Variants in RAB6B observed in about 807,000 individuals in gnomAD.
RAB6B encodes ras-related protein Rab-6B.
RAB6B carries 7 observed loss-of-function variants against 31.2 expected under a neutral mutation model. That is an observed-to-expected ratio of 0.22 (90% CI 0.13 to 0.42). The LOEUF (loss-of-function observed/expected upper bound fraction) is 0.42, where lower values mean the gene tolerates loss of function less well. Ranked by LOEUF, RAB6B falls within the 10% of genes least tolerant of loss-of-function variation. The pLI, the probability that RAB6B is intolerant of heterozygous loss-of-function variation, is 1.00. For missense variants in RAB6B, 149 were observed against 280.6 expected (o/e 0.53, Z 3.35); for synonymous variants, 105 against 104.9 (o/e 1.00, Z -0.01).
intron 2 of RAB6B, 105 bp from the exon 3 acceptor site, chr3:133,841,768 A>C: frequency 8.9e-7 from 1 of 1,128,752 alleles, no homozygotes; most frequent in East Asian, 2.4e-5. Flanking sequence ...GGGGACGCTC[A>C]TGTCAGGTCT....
In RAB6B at chr3:133,882,124, T is replaced by G. The variant is rs77474692; in HGVS notation, c.70+13273A>C. ...ATTTGGTTCCTTGTGGTTGTAGGAC[T>G]TCCCCCCACGGGCTGCTCTTATTTC... On this transcript the variant is annotated intron_variant, in intron 1 of 7. Coordinates refer to ENST00000285208, the MANE Select transcript of RAB6B (RefSeq NM_016577.4). 7.3e-3 allele frequency among the ~76,000 whole-genome samples: 1,110 copies of G among 152,244 alleles called. 10 individuals are homozygous for G. The highest frequency in any genetic ancestry group is 0.041 in the Middle Eastern group (12 of 292).
Position 133,888,121 on chromosome 3 carries a change from C to T in RAB6B, c.70+7276G>A, listed in dbSNP as rs531800940. On this transcript the variant is annotated intron_variant, in intron 1 of 7. Transcript: ENST00000285208. ...CAGTGTTCTTCTGTCTCCTCCGCTC[C>T]AGTCCTAGGCCAGAAGCTGCCTTTG... 6.2e-4 allele frequency among the ~76,000 whole-genome samples: 94 copies of T among 152,356 alleles called. 4 individuals carry two copies. The highest frequency in any genetic ancestry group is 2.1e-3 in the African/African-American group (86 of 41,584).
At chr3:133,884,179 A>G (rs1267069786) in intron 1 of RAB6B, among the ~76,000 whole-genome samples, 4 of 152,264 alleles carry the variant, frequency 2.6e-5, no homozygotes, top group African/African-American at 9.6e-5. Context: ...AGGAATACCA[A>G]GGTGGTGCTC....
At chr3:133,873,817 A>G (rs1387428956) in intron 1 of RAB6B, among the ~76,000 whole-genome samples, 3 of 152,200 alleles carry the variant, frequency 2.0e-5, no homozygotes, top group Admixed American at 6.5e-5. Context: ...ATAATAGCCT[A>G]CTGTTGACCA....
intron 2 of RAB6B, 48 bp downstream of exon 2, chr3:133,864,536 G>A (rs1227315727): frequency 1.3e-6 from 2 of 1,577,302 alleles, no homozygotes; most frequent in Non-Finnish European, 1.7e-6. Context: ...TTCAAAGAGA[G>A]GTCAGCCACT....
intron 1 of RAB6B, among the ~76,000 whole-genome samples, chr3:133,879,203 G>A (rs915606696): frequency 1.3e-5 from 2 of 152,222 alleles, no homozygotes; most frequent in Non-Finnish European, 2.9e-5. Context: ...TAAAGTCTTT[G>A]TATAATCCTA....
intron 1 of RAB6B, among the ~76,000 whole-genome samples, chr3:133,886,913 G>A (rs1437145961): frequency 6.6e-6 from 1 of 152,128 alleles, no homozygotes; most frequent in African/African-American, 2.4e-5. Context: ...CTGCACAGGT[G>A]AGGAAAATGA....
rs775904119 is a variant in RAB6B at position 133,866,947 on chromosome 3, G to A, written c.71-2305C>T. On this transcript the variant is annotated intron_variant, in intron 1 of 7. Transcript: ENST00000285208. Reference sequence around the variant, plus strand: ...TGCATGCATCAGGGATCAGGGTGGGGAGATGGATGGGAAGACACTGAGTCT... The same window carrying A: ...TGCATGCATCAGGGATCAGGGTGGGAAGATGGATGGGAAGACACTGAGTCT... Among the ~76,000 whole-genome samples the A allele has an allele frequency of 1.1e-4, 17 of 152,252 alleles. 1 individual carries two copies. The highest frequency in any genetic ancestry group is 2.2e-4 in the Non-Finnish European group (15 of 68,040).
At chr3:133,868,266 T>G (rs533763819) in intron 1 of RAB6B, among the ~76,000 whole-genome samples, 1 of 152,320 alleles carries the variant, frequency 6.6e-6, no homozygotes, top group Admixed American at 6.5e-5. Context: ...GCACACTGCA[T>G]CTACCTGGCT....
chr3:133,872,981 C>T (rs1936346393), intron 1 of RAB6B, among the ~76,000 whole-genome samples: 1 of 152,188 alleles, frequency 6.6e-6, no homozygotes, highest in African/African-American at 2.4e-5. Flanking sequence ...GGCCCAGGCC[C>T]TTCTCCTGCA....
At chr3:133,885,089 T>TG (rs1936525417) in intron 1 of RAB6B, among the ~76,000 whole-genome samples, 1 of 140,028 alleles carries the variant, frequency 7.1e-6, no homozygotes, top group South Asian at 2.4e-4. Flanking sequence ...GACCAGAGGA[T>TG]GGGGGACTCA....
chr3:133,828,169 G>C lies in RAB6B; in HGVS notation c.*619C>G, dbSNP rs1935602409. On this transcript the variant is annotated 3_prime_UTR_variant, in exon 8 of 8. Transcript: ENST00000285208. ...AGACCTTGGTCTCAGCTCCACACGA[G>C]GTTGACGACCCACTCTGGCCATGGA... The C allele has an allele frequency of 8.5e-6, 5 of 591,340 alleles. No homozygotes were observed. Among genetic ancestry groups the C allele is most frequent in the Non-Finnish European group, 1.5e-5 (5 of 331,602 alleles). The allele number at this position is 591,340 out of a possible 1,614,324, so 36.6% of individuals were successfully genotyped here.
At chr3:133,894,078 T>G (rs1051472203) in intron 1 of RAB6B, among the ~76,000 whole-genome samples, 1 of 152,208 alleles carries the variant, frequency 6.6e-6, no homozygotes, top group Non-Finnish European at 1.5e-5. Flanking sequence ...GTGACCTCCA[T>G]AACCCTCATG....
intron 2 of RAB6B, among the ~76,000 whole-genome samples, chr3:133,849,408 C>T (rs1042139506): frequency 6.6e-6 from 1 of 152,214 alleles, no homozygotes; most frequent in Non-Finnish European, 1.5e-5. Context: ...GACAAGCCCT[C>T]AGATAACTCA....
At chr3:133,834,766 G>A (rs1476708289) in intron 6 of RAB6B, 125 bp from the exon 7 acceptor site, 8 of 889,642 alleles carry the variant, frequency 9.0e-6, no homozygotes, top group African/African-American at 1.7e-5. Flanking sequence ...TCTGCCCAGC[G>A]GACGGTGCCC....
In RAB6B at chr3:133,881,699, GAAGA is replaced by G. The variant is rs1184857889; in HGVS notation, c.70+13694_70+13697del. On this transcript the variant is annotated intron_variant, in intron 1 of 7. Coordinates refer to ENST00000285208, the MANE Select transcript of RAB6B (RefSeq NM_016577.4). ...TACTCAGAACACAAAGACAGAACAG[GAAGA>G]AAGAACAATAGCAGATCAAGAACCA... 3.9e-5 allele frequency among the ~76,000 whole-genome samples: 6 copies of G among 152,334 alleles called. No homozygotes were observed. In the East Asian group the frequency reaches 9.7e-4, roughly 25 times the overall value.
At chr3:133,871,188 C>G (rs150692382) in intron 1 of RAB6B, among the ~76,000 whole-genome samples, 285 of 152,386 alleles carry the variant, frequency 1.9e-3, no homozygotes, top group African/African-American at 6.4e-3. Flanking sequence ...AGTGACAAAG[C>G]AGATGCACCT....
rs577931140 is a variant in RAB6B, at chr3:133,842,116, G to A, written c.130-453C>T. On this transcript the variant is annotated intron_variant, in intron 2 of 7. Transcript: ENST00000285208. ...GACCTCGGGAGGGTGGGAGGCAGGG[G>A]GCAGGAGCAGGCAGCTTGCTGCTGT... is the stretch of plus-strand genomic sequence containing the variant. Among the ~76,000 whole-genome samples, 4 of 152,362 alleles carry A rather than the reference G, an allele frequency of 2.6e-5. 1 individual carries two copies. In the South Asian group the frequency reaches 6.2e-4, roughly 24 times the overall value.
chr3:133,862,856 C>G (rs967260986), intron 2 of RAB6B, among the ~76,000 whole-genome samples: 1 of 152,164 alleles, frequency 6.6e-6, no homozygotes, highest in Non-Finnish European at 1.5e-5. Flanking sequence ...AACCAAGAGT[C>G]TCACTGTTTT....
Sources: allele counts gnomAD v4.1 joint callset (sites outside exome capture counted in the v4.1 genomes callset), GRCh38; gene constraint gnomAD v4.1.1; transcripts MANE v1.5; gene names NCBI Gene and HGNC (gene_info 2026-07-23, HGNC 2026-07-21).